The following PDE4B variants were observed in gnomAD, a reference collection of about 807,000 sequenced individuals.
PDE4B encodes the protein phosphodiesterase 4B.
A neutral mutation model predicts 82.2 loss-of-function variants in PDE4B; 20 were observed. That is an observed-to-expected ratio of 0.24 (90% CI 0.17 to 0.35). The LOEUF is 0.35. Among genes scored for constraint, PDE4B ranks in the 10% least tolerant of loss-of-function variants. The probability of loss-of-function intolerance (pLI) is 1.00; values close to 1 mark genes in which losing one functional copy is unlikely to be tolerated. For synonymous variants in PDE4B, 320 were observed against 318.9 expected, an observed-to-expected ratio of 1.00 and a Z score of -0.04; for missense variants, 655 against 907.2, an observed-to-expected ratio of 0.72 and a Z score of 3.57.
chr1:65,957,805 T>A (rs1282266076), intron 3 of PDE4B, among the ~76,000 whole-genome samples: 1 of 152,100 alleles, frequency 6.6e-6, no homozygotes, highest in Non-Finnish European at 1.5e-5. Context: ...ATTTTAAAAA[T>A]ATATATTTTC....
intron 1 of PDE4B, among the ~76,000 whole-genome samples, chr1:65,903,744 T>A (rs1157711963): frequency 6.6e-6 from 1 of 152,200 alleles, no homozygotes; most frequent in Non-Finnish European, 1.5e-5. Context: ...AGTTTCAGCC[T>A]TCTGCTTTTG....
At position 65,970,329 on chromosome 1, in the gene PDE4B, A is replaced by G. The variant is rs373607203; in HGVS notation, c.281+51494A>G. On this transcript the variant is annotated intron_variant, in intron 3 of 16. Coordinates refer to ENST00000341517, the MANE Select transcript of PDE4B (RefSeq NM_002600.4). ...AAATGGGAAATACATTTTGGACTAC[A>G]TGTCCAGAGGCAGGGGCTAGACTAC... Among the ~76,000 whole-genome samples, 94 of 152,024 alleles carry G rather than the reference A, an allele frequency of 6.2e-4. 1 individual carries two copies. Among genetic ancestry groups the G allele is most frequent in the African/African-American group, 2.2e-3 (91 of 41,404 alleles).
At chr1:65,897,182 A>G (rs547504373) in intron 1 of PDE4B, among the ~76,000 whole-genome samples, 1 of 152,262 alleles carries the variant, frequency 6.6e-6, no homozygotes, top group African/African-American at 2.4e-5. Flanking sequence ...AAATTGCTGA[A>G]TGTTCCACAG....
chr1:66,276,238 A>T (rs1022607241), intron 7 of PDE4B, among the ~76,000 whole-genome samples: 1 of 152,238 alleles, frequency 6.6e-6, no homozygotes, highest in African/African-American at 2.4e-5. Flanking sequence ...CTAATTCTCC[A>T]AACTAAACTT....
intron 3 of PDE4B, among the ~76,000 whole-genome samples, chr1:66,186,461 C>G (rs996119097): frequency 4.6e-5 from 7 of 152,038 alleles, no homozygotes; most frequent in African/African-American, 2.4e-5. Context: ...TTCTTCCTAC[C>G]CATGAGCATG....
intron 3 of PDE4B, among the ~76,000 whole-genome samples, chr1:65,927,166 A>G (rs887830985): frequency 6.6e-6 from 1 of 151,970 alleles, no homozygotes; most frequent in Non-Finnish European, 1.5e-5. Flanking sequence ...ATCTACACAA[A>G]GAAGAGTGTC....
intron 3 of PDE4B, among the ~76,000 whole-genome samples, chr1:65,975,160 T>C (rs970518253): frequency 2.0e-5 from 3 of 152,318 alleles, no homozygotes; most frequent in Middle Eastern, 3.4e-3. Context: ...TGATCTTAGA[T>C]GGAAATGAGA....
chr1:66,056,142 C>A (rs897275499), intron 3 of PDE4B, among the ~76,000 whole-genome samples: 4 of 152,218 alleles, frequency 2.6e-5, no homozygotes, highest in Admixed American at 2.0e-4. Flanking sequence ...GCTTTTCAGG[C>A]TAATGGGGCC....
rs529920605 is a variant in PDE4B, at chr1:66,126,059, G to A, written c.282-121401G>A. 1.9e-4 allele frequency among the ~76,000 whole-genome samples: 29 copies of A among 152,236 alleles called. No homozygotes were observed. The East Asian group carries it at 5.4e-3, about 28-fold the overall frequency. On this transcript the variant is annotated intron_variant, in intron 3 of 16. Coordinates refer to ENST00000341517, the MANE Select transcript of PDE4B (RefSeq NM_002600.4). ...GACCTCAGGTGATCCACCCACCTCG[G>A]CCTCCCAAAGTGTTGGGATTACAGG...
At chr1:65,843,844 T>C (rs1239752346) in intron 1 of PDE4B, among the ~76,000 whole-genome samples, 1 of 152,164 alleles carries the variant, frequency 6.6e-6, no homozygotes, top group Admixed American at 6.6e-5. Flanking sequence ...ATGGCATATC[T>C]CTACATTATG....
At chr1:66,229,279 G>A (rs1308921703) in intron 3 of PDE4B, among the ~76,000 whole-genome samples, 2 of 152,006 alleles carry the variant, frequency 1.3e-5, no homozygotes, top group Admixed American at 6.6e-5. Flanking sequence ...AAAGTGCTGG[G>A]ATTACAGGCG....
At chr1:66,322,941 C>T (rs939775960) in intron 7 of PDE4B, among the ~76,000 whole-genome samples, 1 of 152,040 alleles carries the variant, frequency 6.6e-6, no homozygotes. Context: ...ATGGCAAAGC[C>T]AGATATCAAA....
chr1:66,149,254 C>A (rs188102487), intron 3 of PDE4B, among the ~76,000 whole-genome samples: 1 of 152,200 alleles, frequency 6.6e-6, no homozygotes, highest in East Asian at 1.9e-4. Flanking sequence ...GTGCTAATGG[C>A]CATCTGTTTA....
intron 3 of PDE4B, among the ~76,000 whole-genome samples, chr1:66,003,632 G>T (rs998274700): frequency 7.9e-5 from 12 of 152,210 alleles, no homozygotes; most frequent in African/African-American, 2.6e-4. Flanking sequence ...GAGACTATTT[G>T]TTGCAGCACA....
chr1:66,154,791 G>A (rs1463669960), intron 3 of PDE4B, among the ~76,000 whole-genome samples: 1 of 152,268 alleles, frequency 6.6e-6, no homozygotes, highest in Admixed American at 6.5e-5. Context: ...TTTGCTCAAG[G>A]AATATGCTTG....
chr1:65,998,405 C>A (rs1569927274), intron 3 of PDE4B, among the ~76,000 whole-genome samples: 3 of 150,900 alleles, frequency 2.0e-5, no homozygotes, highest in African/African-American at 7.3e-5. Flanking sequence ...AGTTTTAGCC[C>A]ATCCATTCTC....
intron 4 of PDE4B, 24 bp from the exon 5 acceptor site, chr1:66,257,623 G>T: frequency 6.2e-7 from 1 of 1,606,850 alleles, no homozygotes; most frequent in Non-Finnish European, 8.5e-7. Flanking sequence ...ATTTCTAAAG[G>T]TTCTTTTTTT....
chr1:66,122,502 G>C (rs1234615156), intron 3 of PDE4B, among the ~76,000 whole-genome samples: 1 of 152,056 alleles, frequency 6.6e-6, no homozygotes, highest in Non-Finnish European at 1.5e-5. Flanking sequence ...CATATAATTT[G>C]TTAAATGTAT....
At chr1:65,990,027 C>T (rs1312394451) in intron 3 of PDE4B, among the ~76,000 whole-genome samples, 1 of 151,348 alleles carries the variant, frequency 6.6e-6, no homozygotes, top group Non-Finnish European at 1.5e-5. Flanking sequence ...TTTCAATTGG[C>T]TGTCTTTGGT....
Sources: allele counts gnomAD v4.1 joint callset (sites outside exome capture counted in the v4.1 genomes callset), GRCh38; gene constraint gnomAD v4.1.1; transcripts MANE v1.5; gene names NCBI Gene and HGNC (gene_info 2026-07-23, HGNC 2026-07-21).